CGGBP1: variants seen among roughly 807,000 people sequenced by gnomAD.
CGGBP1 encodes the protein CGG triplet repeat binding protein 1, also known as CGG triplet repeat-binding protein 1.
Under a neutral mutation model 11.4 loss-of-function variants are expected in CGGBP1, and 4 were observed. The observed-to-expected ratio is 0.35, with a 90% CI of 0.17 to 0.80. The LOEUF is 0.80. Ranked by LOEUF, CGGBP1 falls within the 30% of genes least tolerant of loss-of-function variation. The pLI is 0.52. For synonymous variants in CGGBP1, 76 were observed against 74.1 expected (o/e 1.03, Z -0.13); for missense variants, 135 against 202.1 (o/e 0.67, Z 2.01).
chr3:88,080,363 C>T (rs1479922295), intron 2 of CGGBP1, among the ~76,000 whole-genome samples: 1 of 152,030 alleles, frequency 6.6e-6, no homozygotes, highest in African/African-American at 2.4e-5. Context: ...AAACAAGGTG[C>T]ACTAGTAATG....
At chr3:88,095,946 G>C in intron 2 of CGGBP1, 2 of 345,886 alleles carry the variant, frequency 5.8e-6, no homozygotes, top group Non-Finnish European at 5.4e-6. Context: ...TGAAATGTTA[G>C]CTGTGTGCTT....
intron 2 of CGGBP1, among the ~76,000 whole-genome samples, chr3:88,102,320 C>T (rs1704474119): frequency 1.3e-5 from 2 of 152,122 alleles, no homozygotes; most frequent in Admixed American, 6.6e-5. Flanking sequence ...CAACAGCTGT[C>T]TTGCAGCTCA....
upstream of CGGBP1, among the ~76,000 whole-genome samples, chr3:88,060,150 C>T (rs929360821): frequency 3.3e-5 from 5 of 152,026 alleles, no homozygotes; most frequent in Admixed American, 3.3e-4. Context: ...TTGACACACG[C>T]ACTCTTTTCT....
chr3:88,106,671 T>C (rs966486859), intron 2 of CGGBP1, among the ~76,000 whole-genome samples: 1 of 152,184 alleles, frequency 6.6e-6, no homozygotes, highest in Non-Finnish European at 1.5e-5. Context: ...TTGCTTTGCA[T>C]GTGGTGTTAA....
intron 2 of CGGBP1, among the ~76,000 whole-genome samples, chr3:88,115,335 C>G (rs1705326801): frequency 6.6e-6 from 1 of 152,192 alleles, no homozygotes; most frequent in Non-Finnish European, 1.5e-5. Context: ...TACACTGTGT[C>G]ATCCTGGGCA....
At position 88,141,646 on chromosome 3, in the gene CGGBP1, T is replaced by C. The variant is rs1314233121; in HGVS notation, c.-337-568A>G. The C allele has an allele frequency of 2.6e-6, 4 of 1,509,592 alleles. No homozygotes were observed. In the African/African-American group the frequency reaches 4.1e-5, roughly 15 times the overall value. The allele number at this position is 1,509,592 out of a possible 1,614,324, so 93.5% of individuals were successfully genotyped here. A position where few individuals can be genotyped will look rare whatever the true frequency, so the allele number is the denominator to read the frequency against. On this transcript the variant is annotated intron_variant, in intron 1 of 3. Coordinates refer to the CGGBP1 transcript ENST00000462901. ...TAACAGATGTGTTCTGTTTTACAGG[T>C]GCCTGATGAAAACGGTTCAGAAAGA...
intron 2 of CGGBP1, among the ~76,000 whole-genome samples, chr3:88,101,918 G>A (rs1433475967): frequency 1.3e-5 from 2 of 152,020 alleles, no homozygotes; most frequent in Non-Finnish European, 2.9e-5. Context: ...TCGTTGGTAA[G>A]CATCTTTTTG....
At position 88,095,530 on chromosome 3, in the gene CGGBP1, G is replaced by C. The variant is rs1454755098; in HGVS notation, c.-228-37307C>G. The stretch of plus-strand genomic sequence containing the variant: ...CAGTTCACATTAGCTTCTTTTGCAA[G>C]AACCAGGTCTGCTTCATCTGTCTTT... On this transcript the variant is annotated intron_variant, in intron 2 of 3. Transcript: ENST00000462901. 1.6e-5 allele frequency: 8 copies of C among 491,862 alleles called. No homozygotes were observed. In the East Asian group the frequency reaches 4.1e-4, roughly 25 times the overall value. 30.5% of individuals were successfully genotyped at this position (491,862 alleles called of 1,614,324 possible).
chr3:88,139,744 C>T (rs1707003721), intron 2 of CGGBP1: 2 of 1,555,098 alleles, frequency 1.3e-6, no homozygotes, highest in Non-Finnish European at 1.7e-6. Flanking sequence ...GTTTTCAAGC[C>T]TTTAACTGAA....
chr3:88,114,310 T>C (rs923639015), intron 2 of CGGBP1, among the ~76,000 whole-genome samples: 3 of 152,178 alleles, frequency 2.0e-5, no homozygotes, highest in African/African-American at 7.2e-5. Flanking sequence ...CATAGAGATG[T>C]TGGCTGACCA....
chr3:88,140,562 C>A, intron 2 of CGGBP1: 1 of 1,613,588 alleles, frequency 6.2e-7, no homozygotes, highest in Non-Finnish European at 8.5e-7. Context: ...TGACATAGAG[C>A]CAAATTCTGA....
chr3:88,073,827 A>G (rs1017583348), intron 2 of CGGBP1, among the ~76,000 whole-genome samples: 4 of 152,192 alleles, frequency 2.6e-5, no homozygotes, highest in Admixed American at 1.3e-4. Flanking sequence ...GAGTATATTT[A>G]TCCCTATTTA....
At chr3:88,136,136 C>T (rs561059124) in intron 2 of CGGBP1, among the ~76,000 whole-genome samples, 4 of 152,164 alleles carry the variant, frequency 2.6e-5, no homozygotes, top group Admixed American at 6.5e-5. Flanking sequence ...CACGTCTTAA[C>T]ATTTGATGTG....
intron 2 of CGGBP1, among the ~76,000 whole-genome samples, chr3:88,089,459 C>A (rs149100297): frequency 1.1e-3 from 159 of 149,808 alleles, no homozygotes; most frequent in African/African-American, 3.6e-3. Flanking sequence ...CCATTGCACT[C>A]TAGCCTGGGC....
chr3:88,058,104 C>G lies in CGGBP1; in HGVS notation c.-211G>C, dbSNP rs1706613178. 1 of 152,246 alleles carries G rather than the reference C, an allele frequency of 6.6e-6. No homozygotes were observed. The highest frequency in any genetic ancestry group is 1.5e-5 in the Non-Finnish European group (1 of 68,046). 9.4% of individuals were successfully genotyped at this position (152,246 alleles called of 1,614,324 possible). A position where few individuals can be genotyped will look rare whatever the true frequency, so the allele number is the denominator to read the frequency against. ...ACCAGAGACGCATCAAATCCTGGCA[C>G]TTTCCGTTTGTTCAACCCCGGAGAT... On this transcript the variant is annotated 5_prime_UTR_variant, in exon 2 of 4. Coordinates refer to ENST00000482016, the MANE Select transcript of CGGBP1 (RefSeq NM_001008390.2).
At chr3:88,146,016 G>A (rs149008023) in intron 1 of CGGBP1, among the ~76,000 whole-genome samples, 2 of 152,320 alleles carry the variant, frequency 1.3e-5, no homozygotes, top group East Asian at 3.9e-4. Flanking sequence ...TCCACATGGG[G>A]TCAGATTTGC....
At position 88,116,561 on chromosome 3, in the gene CGGBP1, T is replaced by TACACACACACAC. The variant is rs61470020; in HGVS notation, c.-229+24397_-229+24408dup. Among the ~76,000 whole-genome samples, 59 of 151,026 alleles carry TACACACACACAC rather than the reference T, an allele frequency of 3.9e-4. No individual in the cohort carries two copies. The East Asian group carries it at 8.3e-3, about 21-fold the overall frequency. On this transcript the variant is annotated intron_variant, in intron 2 of 3. Coordinates refer to the CGGBP1 transcript ENST00000462901. ...AAATACATACATACATACATATATA[T>TACACACACACAC]ACACACACACACACACATGCACATA...
At chr3:88,120,095 A>C (rs763402179) in intron 2 of CGGBP1, among the ~76,000 whole-genome samples, 9 of 152,040 alleles carry the variant, frequency 5.9e-5, no homozygotes, top group Non-Finnish European at 1.2e-4. Context: ...CAAATAATGT[A>C]ACTTATAGGC....
intron 2 of CGGBP1, among the ~76,000 whole-genome samples, chr3:88,079,146 T>A (rs1707957637): frequency 6.6e-6 from 1 of 152,062 alleles, no homozygotes; most frequent in South Asian, 2.1e-4. Context: ...CTAAAGTAAC[T>A]TCAGGCTACA....
Sources: gnomAD v4.1 joint callset for allele counts (sites outside exome capture counted in the v4.1 genomes callset) on GRCh38, gnomAD v4.1.1 for gene constraint, MANE v1.5 for transcripts, NCBI Gene and HGNC (gene_info 2026-07-23, HGNC 2026-07-21) for gene names.